CLVS1: variants seen among roughly 807,000 people sequenced by gnomAD.
CLVS1 encodes the protein clavesin-1.
CLVS1 carries 10 observed loss-of-function variants against 33.1 expected under a neutral mutation model. That is an observed-to-expected ratio of 0.30 (90% CI 0.19 to 0.51). CLVS1 has a LOEUF of 0.51. Among genes scored for constraint, CLVS1 ranks in the 20% least tolerant of loss-of-function variants. The probability of loss-of-function intolerance (pLI) is 0.97; values close to 1 mark genes in which losing one functional copy is unlikely to be tolerated. For synonymous variants in CLVS1, 163 were observed against 166.1 expected, an observed-to-expected ratio of 0.98 and a Z score of 0.14; for missense variants, 343 against 433.4, an observed-to-expected ratio of 0.79 and a Z score of 1.85.
intron 2 of CLVS1, among the ~76,000 whole-genome samples, chr8:61,198,341 G>T (rs1807658541): frequency 6.6e-6 from 1 of 152,034 alleles, no homozygotes; most frequent in African/African-American, 2.4e-5. Context: ...GGTTTTTATT[G>T]TACCTGTCAC....
At chr8:61,477,489 C>G (rs1817997663) in intron 5 of CLVS1, among the ~76,000 whole-genome samples, 2 of 152,158 alleles carry the variant, frequency 1.3e-5, no homozygotes, top group Admixed American at 1.3e-4. Flanking sequence ...TGTTATTGGT[C>G]TATACAGAGA....
intron 3 of CLVS1, among the ~76,000 whole-genome samples, chr8:61,422,869 A>G (rs776617395): frequency 1.3e-5 from 2 of 152,146 alleles, no homozygotes; most frequent in Non-Finnish European, 2.9e-5. Context: ...TCCCTGGTCT[A>G]CCCTCTTGAG....
chr8:61,261,182 G>C (rs1809195818), intron 2 of CLVS1, among the ~76,000 whole-genome samples: 1 of 152,128 alleles, frequency 6.6e-6, no homozygotes, highest in African/African-American at 2.4e-5. Flanking sequence ...TGGCTAGGGA[G>C]CCCTGGTCCA....
chr8:61,478,136 T>A (rs531855757), intron 5 of CLVS1, among the ~76,000 whole-genome samples: 2 of 152,292 alleles, frequency 1.3e-5, no homozygotes, highest in African/African-American at 2.4e-5. Context: ...TTTGAGTGAG[T>A]TTCTTAATCC....
At chr8:60,992,361 T>C in the CLVS1 span, among the ~76,000 whole-genome samples, 3 of 152,146 alleles carry the variant, frequency 2.0e-5, no homozygotes, top group African/African-American at 7.2e-5. Flanking sequence ...GCTGCAGTTA[T>C]AGGAAATAAA....
intron 2 of CLVS1, among the ~76,000 whole-genome samples, chr8:61,137,034 C>T (rs1343017298): frequency 3.9e-5 from 6 of 152,120 alleles, no homozygotes; most frequent in Non-Finnish European, 7.3e-5. Context: ...TGTACGAAAG[C>T]GGGTGTCTTC....
chr8:61,124,618 A>G (rs563958813), intron 1 of CLVS1, among the ~76,000 whole-genome samples: 19 of 152,170 alleles, frequency 1.2e-4, no homozygotes, highest in Non-Finnish European at 2.6e-4. Context: ...AGACTTTGGT[A>G]CTTACTGGCT....
chr8:61,246,007 T>C (rs1005839098), intron 2 of CLVS1, among the ~76,000 whole-genome samples: 1 of 151,474 alleles, frequency 6.6e-6, no homozygotes, highest in Non-Finnish European at 1.5e-5. Context: ...CCTGACGTCA[T>C]ATGATCCTCC....
At chr8:61,493,336 A>T (rs1804161007) in intron 5 of CLVS1, among the ~76,000 whole-genome samples, 1 of 152,220 alleles carries the variant, frequency 6.6e-6, no homozygotes, top group African/African-American at 2.4e-5. Flanking sequence ...GCAAATGAAT[A>T]TCAATCAATA....
intron 2 of CLVS1, among the ~76,000 whole-genome samples, chr8:61,303,185 GAC>G (rs1810498240): frequency 6.6e-6 from 1 of 152,172 alleles, no homozygotes; most frequent in African/African-American, 2.4e-5. Flanking sequence ...AGTAAATGGG[GAC>G]ACACACATAA....
intron 2 of CLVS1, among the ~76,000 whole-genome samples, chr8:61,173,074 T>C (rs1807039576): frequency 6.6e-6 from 1 of 152,118 alleles, no homozygotes; most frequent in African/African-American, 2.4e-5. Flanking sequence ...ATGTGTCAAG[T>C]GCGCATTCAG....
chr8:61,288,311 G>A (rs938038431), intron 1 of CLVS1, 173 bp downstream of exon 1: 2 of 455,074 alleles, frequency 4.4e-6, no homozygotes, highest in South Asian at 1.5e-5. Context: ...CGCCGCCTCC[G>A]CGGTCCATCC....
chr8:61,259,571 G>A (rs1809155453), intron 2 of CLVS1, among the ~76,000 whole-genome samples: 1 of 152,198 alleles, frequency 6.6e-6, no homozygotes, highest in Non-Finnish European at 1.5e-5. Context: ...AAGGCTTTTA[G>A]GACAAAATCG....
intron 2 of CLVS1, among the ~76,000 whole-genome samples, chr8:61,181,093 T>C (rs541253630): frequency 8.5e-5 from 13 of 152,308 alleles, no homozygotes; most frequent in African/African-American, 2.6e-4. Context: ...CTCCATAGTC[T>C]CAGCCCAAAT....
intron 1 of CLVS1, among the ~76,000 whole-genome samples, chr8:61,291,456 T>A (rs1015915364): frequency 5.9e-5 from 9 of 152,188 alleles, no homozygotes; most frequent in African/African-American, 1.9e-4. Flanking sequence ...CAAAGTTCCA[T>A]ATATTTGTGT....
chr8:61,189,940 C>CA (rs1189252646), intron 2 of CLVS1, among the ~76,000 whole-genome samples: 3 of 152,150 alleles, frequency 2.0e-5, no homozygotes, highest in Non-Finnish European at 2.9e-5. Flanking sequence ...TTTAACACCC[C>CA]ACTGTCAACA....
the CLVS1 span, among the ~76,000 whole-genome samples, chr8:60,990,259 T>C: frequency 7.6e-4 from 116 of 151,928 alleles, no homozygotes; most frequent in African/African-American, 2.5e-3. Flanking sequence ...ACAAGCTAAC[T>C]GTGTAAAGAC....
intron 2 of CLVS1, among the ~76,000 whole-genome samples, chr8:61,277,623 A>G (rs1809585310): frequency 1.3e-5 from 2 of 152,170 alleles, no homozygotes; most frequent in African/African-American, 4.8e-5. Flanking sequence ...GTTCTTCCCA[A>G]CAAATGCTTG....
At chr8:61,119,979 G>C (rs1228066947) in intron 1 of CLVS1, among the ~76,000 whole-genome samples, 1 of 144,142 alleles carries the variant, frequency 6.9e-6, no homozygotes, top group African/African-American at 2.6e-5. Context: ...TTCCAACTTG[G>C]TTCCATTCTC....
Sources: gnomAD v4.1 joint callset for allele counts (sites outside exome capture counted in the v4.1 genomes callset) on GRCh38, gnomAD v4.1.1 for gene constraint, MANE v1.5 for transcripts, NCBI Gene and HGNC (gene_info 2026-07-23, HGNC 2026-07-21) for gene names.